The following NAA60 variants were observed in gnomAD, a reference collection of about 807,000 sequenced individuals.
NAA60 encodes the protein N-alpha-acetyltransferase 60, NatF catalytic subunit.
A neutral mutation model predicts 26.1 loss-of-function variants in NAA60; 8 were observed. The observed-to-expected ratio is 0.31, with a 90% CI of 0.18 to 0.55. The LOEUF (loss-of-function observed/expected upper bound fraction) is 0.55, where lower values mean the gene tolerates loss of function less well. NAA60 is among the 20% of genes least tolerant of loss of function. NAA60 has a pLI of 0.93. For synonymous variants in NAA60, 131 were observed against 122.5 expected (o/e 1.07, Z -0.46); for missense variants, 290 against 311.3 (o/e 0.93, Z 0.51).
At chr16:3,484,151 A>G (rs1252848371) in intron 6 of NAA60, among the ~76,000 whole-genome samples, 1 of 152,114 alleles carries the variant, frequency 6.6e-6, no homozygotes, top group East Asian at 1.9e-4. Flanking sequence ...AATAGTCAGA[A>G]TGTGGCCCAA....
intron 7 of NAA60, 125 bp downstream of exon 7, chr16:3,485,186 C>G (rs934951688): frequency 1.1e-5 from 8 of 716,192 alleles, no homozygotes; most frequent in South Asian, 4.5e-5. Flanking sequence ...AGTCCACCAC[C>G]TTATGCACCA....
At position 3,485,945 on chromosome 16, in the gene NAA60, C is replaced by T. The variant is rs561687329; in HGVS notation, c.*685C>T. 6.7e-5 allele frequency: 21 copies of T among 314,630 alleles called. 1 individual carries two copies. Among genetic ancestry groups the T allele is most frequent in the African/African-American group, 4.6e-4 (21 of 45,736 alleles). The allele number at this position is 314,630 out of a possible 1,614,324, so 19.5% of individuals were successfully genotyped here. A position where few individuals can be genotyped will look rare whatever the true frequency, so the allele number is the denominator to read the frequency against. On this transcript the variant is annotated 3_prime_UTR_variant, in exon 8 of 8. Coordinates refer to ENST00000407558, the MANE Select transcript of NAA60 (RefSeq NM_001083601.3). ...CTCCTCAGCACCTTCCGTGCAGTTA[C>T]CAGTGCCCTGGGAGGTCACACTGCC...
intron 5 of NAA60, 109 bp downstream of exon 5, chr16:3,482,707 G>A (rs1049420726): frequency 6.5e-6 from 5 of 765,484 alleles, no homozygotes; most frequent in Non-Finnish European, 1.1e-5. Flanking sequence ...ACTCTGGCTC[G>A]TGAACATCCC....
intron 6 of NAA60, among the ~76,000 whole-genome samples, chr16:3,484,050 A>T (rs1343629725): frequency 1.3e-5 from 2 of 152,204 alleles, no homozygotes; most frequent in Admixed American, 6.5e-5. Context: ...TCCTTATAGG[A>T]TGCATGACCC....
intron 2 of NAA60, among the ~76,000 whole-genome samples, chr16:3,452,002 C>A (rs1030780677): frequency 6.7e-6 from 1 of 149,962 alleles, no homozygotes; most frequent in Non-Finnish European, 1.5e-5. Flanking sequence ...ATCACTTGCA[C>A]CAGGAGTTCG....
chr16:3,452,653 C>CAA (rs57798902), intron 2 of NAA60, among the ~76,000 whole-genome samples: 17 of 135,358 alleles, frequency 1.3e-4, no homozygotes, highest in South Asian at 2.3e-4. Context: ...GACCCCGTCT[C>CAA]AAAAAAAAAA....
chr16:3,471,462 C>G (rs889454631), intron 2 of NAA60, among the ~76,000 whole-genome samples: 4 of 152,102 alleles, frequency 2.6e-5, no homozygotes, highest in African/African-American at 9.7e-5. Context: ...GAGATCGCGC[C>G]AGTGCACTCC....
chr16:3,462,168 T>C (rs2035453324), intron 2 of NAA60, among the ~76,000 whole-genome samples: 1 of 151,962 alleles, frequency 6.6e-6, no homozygotes, highest in African/African-American at 2.4e-5. Flanking sequence ...CATTTCTCTT[T>C]TTTTGTTTAC....
In NAA60 at chr16:3,483,409, C is replaced by G; in HGVS notation, c.384C>G (p.Ala128=). 1 of 1,613,788 alleles carries G rather than the reference C, an allele frequency of 6.2e-7. No homozygotes were observed. Among genetic ancestry groups the G allele is most frequent in the Non-Finnish European group, 8.5e-7 (1 of 1,179,800 alleles). Reference sequence around the variant, plus strand: ...TAAAGGATCACATATCAACCACCGCCCAGGACCACTGCAAAGCCATTTACC... The same window carrying G: ...TAAAGGATCACATATCAACCACCGCGCAGGACCACTGCAAAGCCATTTACC... ...ESLKDHISTT[A]QDHCKAIYLH... The change falls in exon 6 of 8, where the codon GCC becomes GCG. Residue 128 remains alanine, a synonymous_variant. Coordinates refer to ENST00000407558, the MANE Select transcript of NAA60 (RefSeq NM_001083601.3).
chr16:3,459,776 G>A (rs2035256086), intron 2 of NAA60, among the ~76,000 whole-genome samples: 1 of 152,138 alleles, frequency 6.6e-6, no homozygotes, highest in South Asian at 2.1e-4. Flanking sequence ...GTCTGTGTCC[G>A]TCCTATCTTT....
intron 2 of NAA60, chr16:3,456,834 G>A (rs1413711984): frequency 6.6e-6 from 1 of 152,160 alleles, no homozygotes; most frequent in Non-Finnish European, 1.5e-5. Flanking sequence ...TTGTCGCGCA[G>A]GCTGGAGTGC....
chr16:3,470,594 G>T lies in NAA60; in HGVS notation c.-6-5628G>T, dbSNP rs181755222. Among the ~76,000 whole-genome samples, 196 of 151,292 alleles carry T rather than the reference G, an allele frequency of 1.3e-3. 1 individual carries two copies. The highest frequency in any genetic ancestry group is 2.1e-3 in the Non-Finnish European group (142 of 67,928). On this transcript the variant is annotated intron_variant, in intron 2 of 7. Transcript: ENST00000407558. The stretch of plus-strand genomic sequence containing the variant: ...CTCCTTGGGCCTGCTGTGACTGCAG[G>T]CACGGATACACTGGGGAGACGGGAT...
intron 2 of NAA60, chr16:3,467,741 A>T (rs958333802): frequency 2.6e-5 from 4 of 152,230 alleles, no homozygotes; most frequent in Non-Finnish European, 5.9e-5. Context: ...TGCTGGAGAC[A>T]TCTTGGCGGC....
intron 4 of NAA60, among the ~76,000 whole-genome samples, chr16:3,479,923 C>T (rs917615930): frequency 6.6e-6 from 1 of 152,128 alleles, no homozygotes; most frequent in Non-Finnish European, 1.5e-5. Flanking sequence ...TTTGTGTTGG[C>T]GGCAGTGTCA....
At chr16:3,446,423 C>T (rs12935199) in intron 1 of NAA60, among the ~76,000 whole-genome samples, 7 of 150,074 alleles carry the variant, frequency 4.7e-5, no homozygotes, top group Admixed American at 4.7e-4. Context: ...CCCAGCTACT[C>T]GGGAGGCTGA....
At chr16:3,483,720 T>C in intron 6 of NAA60, 123 bp downstream of exon 6, 1 of 734,806 alleles carries the variant, frequency 1.4e-6, no homozygotes, top group South Asian at 1.6e-5. Flanking sequence ...TTATGGATGC[T>C]TCTCTCCCTT....
At chr16:3,458,224 G>T in intron 2 of NAA60, 1 of 977,050 alleles carries the variant, frequency 1.0e-6, no homozygotes, top group Non-Finnish European at 1.2e-6. Context: ...GACCTGCGGC[G>T]GGGCGCCGAG....
intron 2 of NAA60, among the ~76,000 whole-genome samples, chr16:3,449,467 G>A (rs976874672): frequency 3.3e-5 from 5 of 151,408 alleles, no homozygotes; most frequent in Admixed American, 1.3e-4. Flanking sequence ...GCAGTGAGCC[G>A]AGATCACACC....
intron 2 of NAA60, among the ~76,000 whole-genome samples, chr16:3,456,095 C>A (rs1165790443): frequency 6.6e-6 from 1 of 152,146 alleles, no homozygotes; most frequent in South Asian, 2.1e-4. Context: ...TGGAAACAGC[C>A]GGGCACGGTC....
Sources: allele counts gnomAD v4.1 joint callset (sites outside exome capture counted in the v4.1 genomes callset), GRCh38; gene constraint gnomAD v4.1.1; transcripts MANE v1.5; gene names NCBI Gene and HGNC (gene_info 2026-07-23, HGNC 2026-07-21).